CLSTN2: variants seen among roughly 807,000 people sequenced by gnomAD.
CLSTN2 encodes calsyntenin 2.
Under a neutral mutation model 101.2 loss-of-function variants are expected in CLSTN2, and 48 were observed. That is an observed-to-expected ratio of 0.47 (90% CI 0.38 to 0.60). The LOEUF (loss-of-function observed/expected upper bound fraction) is 0.60, where lower values mean the gene tolerates loss of function less well. Ranked by LOEUF, CLSTN2 falls within the 20% of genes least tolerant of loss-of-function variation. The pLI is 0.00. For synonymous variants in CLSTN2, 481 were observed against 463.6 expected (o/e 1.04, Z -0.48); for missense variants, 1,160 against 1,238.2 (o/e 0.94, Z 0.95).
intron 1 of CLSTN2, among the ~76,000 whole-genome samples, chr3:140,150,886 C>G (rs2009854519): frequency 5.3e-5 from 8 of 152,156 alleles, no homozygotes; most frequent in Admixed American, 5.2e-4. Context: ...GATAGGTGCT[C>G]AGCCCATATA....
intron 5 of CLSTN2, among the ~76,000 whole-genome samples, chr3:140,444,730 T>C (rs1241324736): frequency 6.6e-6 from 1 of 152,196 alleles, no homozygotes; most frequent in African/African-American, 2.4e-5. Context: ...GGGTGGTAGA[T>C]ACAAACTCTA....
chr3:140,507,210 T>G (rs1934702441), intron 8 of CLSTN2: 1 of 152,206 alleles, frequency 6.6e-6, no homozygotes, highest in East Asian at 1.9e-4. Context: ...ACTTATGAGG[T>G]AAGCCAGTGT....
At chr3:140,026,016 T>A (rs1178371096) in intron 1 of CLSTN2, among the ~76,000 whole-genome samples, 1 of 152,132 alleles carries the variant, frequency 6.6e-6, no homozygotes, top group Non-Finnish European at 1.5e-5. Context: ...ACCCTGCTAG[T>A]TTCTGGAGAT....
chr3:140,230,604 T>G (rs1366542491), intron 2 of CLSTN2, among the ~76,000 whole-genome samples: 1 of 152,128 alleles, frequency 6.6e-6, no homozygotes, highest in East Asian at 1.9e-4. Context: ...TCAGACATAT[T>G]GAAAAGAGAC....
chr3:140,086,300 GC>G (rs1262457664), intron 1 of CLSTN2, among the ~76,000 whole-genome samples: 2 of 152,200 alleles, frequency 1.3e-5, no homozygotes, highest in African/African-American at 4.8e-5. Flanking sequence ...TAGTGTGCAT[GC>G]TGTAGTGCAT....
intron 1 of CLSTN2, among the ~76,000 whole-genome samples, chr3:140,158,744 G>T (rs1238962924): frequency 6.6e-6 from 1 of 152,044 alleles, no homozygotes; most frequent in Non-Finnish European, 1.5e-5. Flanking sequence ...TAAGGGAAAA[G>T]AATAAAAAGT....
intron 2 of CLSTN2, among the ~76,000 whole-genome samples, chr3:140,373,951 C>T (rs1020335714): frequency 2.0e-5 from 3 of 152,194 alleles, no homozygotes; most frequent in African/African-American, 7.2e-5. Context: ...CATTCAGGCT[C>T]TAGACCTTCT....
At chr3:139,993,529 C>A (rs1936151230) in intron 1 of CLSTN2, among the ~76,000 whole-genome samples, 1 of 152,134 alleles carries the variant, frequency 6.6e-6, no homozygotes. Flanking sequence ...GATATCAGAG[C>A]CTCACCTTGA....
At chr3:140,171,723 A>G (rs1367277730) in intron 1 of CLSTN2, among the ~76,000 whole-genome samples, 1 of 115,100 alleles carries the variant, frequency 8.7e-6, no homozygotes, top group East Asian at 2.2e-4. Context: ...TGTATTATAT[A>G]TTATATATAA....
chr3:140,522,844 C>T (rs1935059163), intron 8 of CLSTN2, among the ~76,000 whole-genome samples: 1 of 152,096 alleles, frequency 6.6e-6, no homozygotes, highest in South Asian at 2.1e-4. Flanking sequence ...TCAAACTGCT[C>T]CTGTGGTTCC....
At chr3:140,428,985 A>T (rs1394545355) in intron 5 of CLSTN2, among the ~76,000 whole-genome samples, 2 of 152,190 alleles carry the variant, frequency 1.3e-5, no homozygotes, top group African/African-American at 4.8e-5. Flanking sequence ...GGCTGCTTCC[A>T]TCAACTTCAC....
chr3:139,994,587 G>C (rs1364181333), intron 1 of CLSTN2, among the ~76,000 whole-genome samples: 2 of 152,294 alleles, frequency 1.3e-5, no homozygotes, highest in African/African-American at 4.8e-5. Flanking sequence ...ATCCTGGGCT[G>C]CAAGCAAACC....
At chr3:140,358,253 CT>C (rs2087694480) in intron 2 of CLSTN2, among the ~76,000 whole-genome samples, 1 of 152,088 alleles carries the variant, frequency 6.6e-6, no homozygotes, top group African/African-American at 2.4e-5. Flanking sequence ...AGCTTCCTGG[CT>C]TTAGGAAGCA....
chr3:140,136,171 A>G (rs1229391732), intron 1 of CLSTN2, among the ~76,000 whole-genome samples: 1 of 152,166 alleles, frequency 6.6e-6, no homozygotes, highest in South Asian at 2.1e-4. Flanking sequence ...ACCCTTGGTC[A>G]TTGTTCCCCT....
At chr3:140,408,490 A>C (rs7619971) in intron 4 of CLSTN2, among the ~76,000 whole-genome samples, 101,265 of 151,986 alleles carry the variant, frequency 0.67, 34,139 homozygotes, top group South Asian at 0.75. Context: ...AGCAACCACA[A>C]ACCCCTGACT....
chr3:140,283,010 G>A (rs1418906614), intron 2 of CLSTN2, among the ~76,000 whole-genome samples: 1 of 152,090 alleles, frequency 6.6e-6, no homozygotes, highest in Non-Finnish European at 1.5e-5. Flanking sequence ...TCTCACCAGT[G>A]ATATCCAGGG....
intron 5 of CLSTN2, among the ~76,000 whole-genome samples, chr3:140,437,610 C>G (rs2088701676): frequency 6.6e-6 from 1 of 152,198 alleles, no homozygotes; most frequent in Non-Finnish European, 1.5e-5. Flanking sequence ...CGGGAGCCCT[C>G]TGTGACAACA....
At chr3:140,444,674 G>T (rs888624432) in intron 5 of CLSTN2, among the ~76,000 whole-genome samples, 38 of 152,246 alleles carry the variant, frequency 2.5e-4, no homozygotes, top group African/African-American at 7.9e-4. Context: ...CATGGTCCTT[G>T]TGTTTGGTAC....
chr3:140,009,028 T>C (rs904124814), intron 1 of CLSTN2, among the ~76,000 whole-genome samples: 3 of 152,252 alleles, frequency 2.0e-5, no homozygotes, highest in Admixed American at 6.5e-5. Flanking sequence ...TTTGCATCAA[T>C]GTAAATGTTT....
Sources: gnomAD v4.1 joint callset for allele counts (sites outside exome capture counted in the v4.1 genomes callset) on GRCh38, gnomAD v4.1.1 for gene constraint, MANE v1.5 for transcripts, NCBI Gene and HGNC (gene_info 2026-07-23, HGNC 2026-07-21) for gene names.